Variants in TLL1 observed in about 807,000 individuals in gnomAD.
TLL1 encodes tolloid-like protein 1.
Under a neutral mutation model 128.2 loss-of-function variants are expected in TLL1, and 49 were observed. That is an observed-to-expected ratio of 0.38 (90% CI 0.30 to 0.48). The LOEUF is 0.48. TLL1 is among the 20% of genes least tolerant of loss of function. TLL1 has a pLI of 0.96. For synonymous variants in TLL1, 454 were observed against 418.8 expected (o/e 1.08, Z -1.03); for missense variants, 1,123 against 1,242.0 (o/e 0.90, Z 1.44).
chr4:165,943,545 T>C (rs1448979567), intron 1 of TLL1, among the ~76,000 whole-genome samples: 1 of 152,078 alleles, frequency 6.6e-6, no homozygotes, highest in African/African-American at 2.4e-5. Flanking sequence ...GCTTATCTCC[T>C]TAAAAATTGG....
chr4:165,967,164 G>C (rs1334940844), intron 1 of TLL1, among the ~76,000 whole-genome samples: 2 of 152,172 alleles, frequency 1.3e-5, no homozygotes, highest in African/African-American at 2.4e-5. Flanking sequence ...ACTCTGTTCT[G>C]TCTGGCCCCT....
rs1198717330 is a variant in TLL1 at position 166,010,064 on chromosome 4, A to G, written c.917+2016A>G. 3.3e-5 allele frequency among the ~76,000 whole-genome samples: 5 copies of G among 151,494 alleles called. No individual in the cohort carries two copies. The East Asian group carries it at 9.7e-4, about 29-fold the overall frequency. ...CTTTTGATATTGTATATAACTGGAG[A>G]CATATAGTATTTGTCCTTTTGTGAT... On this transcript the variant is annotated intron_variant, in intron 7 of 20. Coordinates refer to ENST00000061240, the MANE Select transcript of TLL1 (RefSeq NM_012464.5).
At chr4:165,971,627 G>T (rs772310601) in intron 1 of TLL1, among the ~76,000 whole-genome samples, 3 of 152,176 alleles carry the variant, frequency 2.0e-5, no homozygotes, top group Non-Finnish European at 4.4e-5. Context: ...CCAGAAACGT[G>T]GGGGATGAGA....
chr4:165,903,436 G>A (rs562694034), intron 1 of TLL1, among the ~76,000 whole-genome samples: 2,296 of 133,958 alleles, frequency 0.017, 70 homozygotes, highest in African/African-American at 0.062. Context: ...TTTTTGAGAC[G>A]GAGTCTCACT....
chr4:166,069,504 T>G (rs868192413), intron 16 of TLL1, among the ~76,000 whole-genome samples: 14 of 151,700 alleles, frequency 9.2e-5, no homozygotes. Flanking sequence ...TAGCTTTCTT[T>G]CAGTTAAGTG....
At chr4:166,025,110 G>A (rs754685727) in intron 8 of TLL1, among the ~76,000 whole-genome samples, 4 of 151,916 alleles carry the variant, frequency 2.6e-5, no homozygotes, top group Non-Finnish European at 5.9e-5. Flanking sequence ...AATCTTATTC[G>A]GTGATTCACC....
intron 19 of TLL1, among the ~76,000 whole-genome samples, chr4:166,094,831 C>T (rs1268880518): frequency 6.6e-6 from 1 of 152,044 alleles, no homozygotes; most frequent in Non-Finnish European, 1.5e-5. Context: ...ATCTCTTTAA[C>T]AGGTTCATTT....
chr4:166,101,062 G>A lies in TLL1; in HGVS notation c.*186G>A, dbSNP rs944822103. On this transcript the variant is annotated 3_prime_UTR_variant, in exon 21 of 21. Coordinates refer to ENST00000061240, the MANE Select transcript of TLL1 (RefSeq NM_012464.5). ...GCAAAACCCTCATCAGCATTACAAG[G>A]ATATTTGAACTCCATGCTTGATGGT... is the stretch of plus-strand genomic sequence containing the variant. 1 of 674,618 alleles carries A rather than the reference G, an allele frequency of 1.5e-6. No homozygotes were observed. The highest frequency in any genetic ancestry group is 2.4e-6 in the Non-Finnish European group (1 of 412,126). The allele number at this position is 674,618 out of a possible 1,614,324, so 41.8% of individuals were successfully genotyped here.
At chr4:165,987,376 G>C (rs1736435117) in intron 1 of TLL1, among the ~76,000 whole-genome samples, 1 of 152,044 alleles carries the variant, frequency 6.6e-6, no homozygotes, top group Admixed American at 6.6e-5. Context: ...TTTCTTGCGG[G>C]GGTCTGGCTT....
chr4:166,076,112 A>G (rs1208264373), intron 17 of TLL1, among the ~76,000 whole-genome samples: 1 of 152,086 alleles, frequency 6.6e-6, no homozygotes, highest in Non-Finnish European at 1.5e-5. Flanking sequence ...TGCCTCTGTC[A>G]CCGAGGCTGG....
intron 6 of TLL1, among the ~76,000 whole-genome samples, chr4:166,004,840 C>A (rs563749995): frequency 6.6e-6 from 1 of 152,028 alleles, no homozygotes; most frequent in African/African-American, 2.4e-5. Flanking sequence ...GTTTTATTCT[C>A]TAGCTAGTGG....
At chr4:166,055,620 T>C (rs115643359) in intron 13 of TLL1, among the ~76,000 whole-genome samples, 1,666 of 152,224 alleles carry the variant, frequency 0.011, 30 homozygotes, top group African/African-American at 0.034. Flanking sequence ...GTTTATCTAT[T>C]TGTTTCCAGG....
chr4:166,059,050 G>A (rs1740160274), intron 14 of TLL1, among the ~76,000 whole-genome samples: 1 of 152,026 alleles, frequency 6.6e-6, no homozygotes, highest in African/African-American at 2.4e-5. Flanking sequence ...TTTTAAAAGA[G>A]GACATTGTAT....
chr4:166,003,357 T>C (rs765320101), intron 5 of TLL1, 34 bp from the exon 6 acceptor site: 2 of 1,612,464 alleles, frequency 1.2e-6, no homozygotes, highest in South Asian at 2.2e-5. Context: ...GCACCACCTT[T>C]CCACCACCAT....
intron 1 of TLL1, among the ~76,000 whole-genome samples, chr4:165,888,554 A>T (rs1460061): frequency 0.24 from 35,865 of 146,786 alleles, 5,454 homozygotes; most frequent in East Asian, 0.52. Context: ...ACTGGAAAAT[A>T]TTTTTTTTTT....
chr4:166,025,238 C>A (rs1181263145), intron 8 of TLL1, 78 bp from the exon 9 acceptor site: 1 of 1,050,142 alleles, frequency 9.5e-7, no homozygotes, highest in African/African-American at 1.6e-5. Context: ...ACCAAAAAAA[C>A]CCTTCATGGC....
chr4:165,946,143 C>T (rs1346712101), intron 1 of TLL1, among the ~76,000 whole-genome samples: 1 of 152,072 alleles, frequency 6.6e-6, no homozygotes, highest in Non-Finnish European at 1.5e-5. Flanking sequence ...GGACTTCACT[C>T]TCTAACTGCA....
chr4:166,038,325 T>C (rs1237909896), intron 9 of TLL1, among the ~76,000 whole-genome samples: 1 of 152,162 alleles, frequency 6.6e-6, no homozygotes, highest in Non-Finnish European at 1.5e-5. Context: ...TTTTTGAATA[T>C]TGCTACAAAC....
intron 19 of TLL1, among the ~76,000 whole-genome samples, chr4:166,095,711 C>A (rs1741986479): frequency 6.6e-6 from 1 of 152,044 alleles, no homozygotes; most frequent in South Asian, 2.1e-4. Flanking sequence ...AATAAACAAA[C>A]CTGTCTTTCC....
Sources: allele counts gnomAD v4.1 joint callset (sites outside exome capture counted in the v4.1 genomes callset), GRCh38; gene constraint gnomAD v4.1.1; transcripts MANE v1.5; gene names NCBI Gene and HGNC (gene_info 2026-07-23, HGNC 2026-07-21).